PPM1A: variants seen among roughly 807,000 people sequenced by gnomAD.
The protein encoded by PPM1A is protein phosphatase 1A.
In PPM1A, 7 loss-of-function variants were observed where a neutral mutation model predicts 35.0. That is an observed-to-expected ratio of 0.20 (90% CI 0.11 to 0.38). PPM1A has a LOEUF of 0.38. Ranked by LOEUF, PPM1A falls within the 10% of genes least tolerant of loss-of-function variation. The pLI is 1.00. For synonymous variants in PPM1A, 153 were observed against 167.3 expected, an observed-to-expected ratio of 0.91 and a Z score of 0.66; for missense variants, 239 against 467.8, an observed-to-expected ratio of 0.51 and a Z score of 4.51.
At position 60,292,745 on chromosome 14, in the gene PPM1A, T is replaced by A; in HGVS notation, c.*263T>A. The A allele has an allele frequency of 2.8e-6, 1 of 357,578 alleles. No individual in the cohort carries two copies. Among genetic ancestry groups the A allele is most frequent in the Non-Finnish European group, 5.0e-6 (1 of 198,068 alleles). The allele number at this position is 357,578 out of a possible 1,614,324, so 22.2% of individuals were successfully genotyped here. On this transcript the variant is annotated 3_prime_UTR_variant, in exon 6 of 6. Transcript: ENST00000395076. This position sits in a 1 kb window ranked among gnomAD's most constrained non-coding sequence, Gnocchi z 4.2. Reference sequence around the variant, plus strand: ...TCAGACTCCAGCAATTTTTGTTGTATGATTTTGTTTTTTTGTAAAGTGTAA... The same window carrying A: ...TCAGACTCCAGCAATTTTTGTTGTAAGATTTTGTTTTTTTGTAAAGTGTAA...
Position 60,292,595 on chromosome 14 carries a change from G to T in PPM1A, c.*113G>T, listed in dbSNP as rs529389931. ...CTTTAAGGAAGGGGATATGACATGG[G>T]TGAGAATGATTACATCAGAGAACTT... On this transcript the variant is annotated 3_prime_UTR_variant, in exon 6 of 6. Coordinates refer to ENST00000395076, the MANE Select transcript of PPM1A (RefSeq NM_021003.5). The surrounding 1 kb of genome is among the most constrained non-coding windows in gnomAD (Gnocchi z 4.2). 337 of 867,564 alleles carry T rather than the reference G, an allele frequency of 3.9e-4. 1 individual carries two copies. The highest frequency in any genetic ancestry group is 1.9e-3 in the Admixed American group (84 of 45,032). The allele number at this position is 867,564 out of a possible 1,614,324, so 53.7% of individuals were successfully genotyped here. A position where few individuals can be genotyped will look rare whatever the true frequency, so the allele number is the denominator to read the frequency against.
chr14:60,274,311 T>C (rs1189721563), intron 1 of PPM1A, among the ~76,000 whole-genome samples: 1 of 152,180 alleles, frequency 6.6e-6, no homozygotes, highest in Non-Finnish European at 1.5e-5. Flanking sequence ...TGGAGGAACT[T>C]GATTTAGTAA....
chr14:60,255,043 T>C (rs1212768448), intron 1 of PPM1A, among the ~76,000 whole-genome samples: 1 of 152,202 alleles, frequency 6.6e-6, no homozygotes, highest in Non-Finnish European at 1.5e-5. Flanking sequence ...TTTTCTCTTT[T>C]AGCAAAGCTC....
rs1156979200 is a variant in PPM1A, at chr14:60,249,593, C to G, written c.-105C>G. On this transcript the variant is annotated 5_prime_UTR_variant, in exon 1 of 6. Coordinates refer to ENST00000395076, the MANE Select transcript of PPM1A (RefSeq NM_021003.5). The surrounding 1 kb of genome is among the most constrained non-coding windows in gnomAD (Gnocchi z 4.5). Reference sequence around the variant, plus strand: ...CGGTGACCCCTCCCCCGGCTGCCGCCGTCGCCGCCGCGGTGACCCCCTCCC... The same window carrying G: ...CGGTGACCCCTCCCCCGGCTGCCGCGGTCGCCGCCGCGGTGACCCCCTCCC... 3 of 987,392 alleles carry G rather than the reference C, an allele frequency of 3.0e-6. No individual in the cohort carries two copies. Among genetic ancestry groups the G allele is most frequent in the South Asian group, 4.5e-5 (1 of 22,140 alleles). The allele number at this position is 987,392 out of a possible 1,614,324, so 61.2% of individuals were successfully genotyped here.
At chr14:60,281,746 G>GT (rs1434207306) in intron 1 of PPM1A, among the ~76,000 whole-genome samples, 1 of 152,174 alleles carries the variant, frequency 6.6e-6, no homozygotes, top group Non-Finnish European at 1.5e-5. Context: ...AGACCAGCGG[G>GT]TGTTAACTTT....
At position 60,249,611 on chromosome 14, in the gene PPM1A, C is replaced by T. The variant is rs1882079601; in HGVS notation, c.-87C>T. 13 of 987,398 alleles carry T rather than the reference C, an allele frequency of 1.3e-5. No individual in the cohort carries two copies. In the South Asian group the frequency reaches 5.0e-4, roughly 38 times the overall value. 61.2% of individuals were successfully genotyped at this position (987,398 alleles called of 1,614,324 possible). A position where few individuals can be genotyped will look rare whatever the true frequency, so the allele number is the denominator to read the frequency against. On this transcript the variant is annotated 5_prime_UTR_variant, in exon 1 of 6. Coordinates refer to ENST00000395076, the MANE Select transcript of PPM1A (RefSeq NM_021003.5). The surrounding 1 kb of genome is among the most constrained non-coding windows in gnomAD (Gnocchi z 4.5). ...CTGCCGCCGTCGCCGCCGCGGTGAC[C>T]CCCTCCCCGGCTGCCGCCGCCGCCG... is the stretch of plus-strand genomic sequence containing the variant.
intron 1 of PPM1A, among the ~76,000 whole-genome samples, chr14:60,272,965 A>G (rs76925783): frequency 0.021 from 3,125 of 151,818 alleles, 112 homozygotes; most frequent in African/African-American, 0.071. Flanking sequence ...TTGCATTTCT[A>G]TAGTTGTGAA....
chr14:60,299,000 A>G lies in PPM1A; in HGVS notation c.*6518A>G, dbSNP rs182615805. 1 of 151,988 alleles carries G rather than the reference A, an allele frequency of 6.6e-6. No individual in the cohort carries two copies. Among genetic ancestry groups the G allele is most frequent in the East Asian group, 1.9e-4 (1 of 5,192 alleles). The allele number at this position is 151,988 out of a possible 1,614,324, so 9.4% of individuals were successfully genotyped here. On this transcript the variant is annotated 3_prime_UTR_variant, in exon 6 of 6. Transcript: ENST00000395076. ...TTGAAAAATTGCATTCAGCCTGCGA[A>G]TGGTTGCAGATTGTATGTTAGATGA...
At position 60,282,376 on chromosome 14, in the gene PPM1A, TATC is replaced by T. The variant is rs531330788; in HGVS notation, c.-20-305_-20-303del. 8.3e-4 allele frequency among the ~76,000 whole-genome samples: 126 copies of T among 152,384 alleles called. No individual in the cohort carries two copies. The highest frequency in any genetic ancestry group is 3.4e-3 in the Middle Eastern group (1 of 294). ...GTCCTGAGCTTACACATGTTCATTGTATCATTAAACATTTAGCCTGGTTGGTTT... is the reference window on the plus strand; with the variant it reads ...GTCCTGAGCTTACACATGTTCATTGTATTAAACATTTAGCCTGGTTGGTTT... On this transcript the variant is annotated intron_variant, in intron 1 of 5. Coordinates refer to ENST00000395076, the MANE Select transcript of PPM1A (RefSeq NM_021003.5). This position sits in a 1 kb window ranked among gnomAD's most constrained non-coding sequence, Gnocchi z 5.1.
chr14:60,287,015 A>G lies in PPM1A; in HGVS notation c.952+1274A>G. 3.3e-6 allele frequency: 3 copies of G among 919,150 alleles called. No individual in the cohort carries two copies. The South Asian group carries it at 1.5e-4, about 46-fold the overall frequency. The allele number at this position is 919,150 out of a possible 1,614,324, so 56.9% of individuals were successfully genotyped here. The stretch of plus-strand genomic sequence containing the variant: ...GGTTCAAACTATTGATTCATGGGAA[A>G]ATTTAAATTCATAAGAATAATATGT... On this transcript the variant is annotated intron_variant, in intron 3 of 5. Transcript: ENST00000395076.
At chr14:60,284,679 G>T (rs4901974) in intron 2 of PPM1A, among the ~76,000 whole-genome samples, 1 of 144,650 alleles carries the variant, frequency 6.9e-6, no homozygotes, top group African/African-American at 2.6e-5. Context: ...ATTAATGAGC[G>T]TATGTATATA....
intron 1 of PPM1A, among the ~76,000 whole-genome samples, chr14:60,269,849 G>A (rs750499028): frequency 3.3e-5 from 5 of 152,052 alleles, no homozygotes; most frequent in Non-Finnish European, 7.4e-5. Flanking sequence ...GTGCCCAGCC[G>A]ATGGCATGTT....
chr14:60,247,148 T>TA (rs1881831394), upstream of PPM1A, among the ~76,000 whole-genome samples: 1 of 152,240 alleles, frequency 6.6e-6, no homozygotes, highest in Non-Finnish European at 1.5e-5. Flanking sequence ...CTCATGCTGT[T>TA]ACTTGCCTGG....
intron 1 of PPM1A, among the ~76,000 whole-genome samples, chr14:60,269,606 T>G (rs995215882): frequency 7.9e-5 from 12 of 152,208 alleles, no homozygotes; most frequent in African/African-American, 2.9e-4. Context: ...TGGAGTGCAA[T>G]GGTGCGATCT....
At chr14:60,268,262 G>C in intron 1 of PPM1A, 1 of 979,912 alleles carries the variant, frequency 1.0e-6, no homozygotes, top group Non-Finnish European at 1.2e-6. Flanking sequence ...TTGAGGGATA[G>C]TTCTTTAATA....
At chr14:60,281,898 A>G (rs1886445939) in intron 1 of PPM1A, among the ~76,000 whole-genome samples, 1 of 152,212 alleles carries the variant, frequency 6.6e-6, no homozygotes, top group South Asian at 2.1e-4. Context: ...TGATTAATAG[A>G]TTACTAGTAG....
chr14:60,272,720 C>G (rs1885307149), intron 1 of PPM1A, among the ~76,000 whole-genome samples: 1 of 141,344 alleles, frequency 7.1e-6, no homozygotes, highest in Non-Finnish European at 1.5e-5. Context: ...AAAAAAGACA[C>G]AGAAGACCCT....
chr14:60,246,010 A>C (rs749902876), upstream of PPM1A: 1 of 1,582,518 alleles, frequency 6.3e-7, no homozygotes, highest in Admixed American at 1.8e-5. Flanking sequence ...AGGAAACCAA[A>C]TGAAGAGGAT....
chr14:60,246,129 G>A (rs887065360), upstream of PPM1A: 13 of 1,304,224 alleles, frequency 1.0e-5, no homozygotes, highest in Non-Finnish European at 1.3e-5. Flanking sequence ...CAGTGGAAAA[G>A]GATGGTGAGG....
Sources: allele counts gnomAD v4.1 joint callset (sites outside exome capture counted in the v4.1 genomes callset), GRCh38; gene constraint gnomAD v4.1.1; non-coding constraint Gnocchi (gnomAD v3.1); transcripts MANE v1.5; gene names NCBI Gene and HGNC (gene_info 2026-07-23, HGNC 2026-07-21).